RBMS3: variants seen among roughly 807,000 people sequenced by gnomAD.
RBMS3 encodes RNA binding motif single stranded interacting protein 3.
Under a neutral mutation model 66.8 loss-of-function variants are expected in RBMS3, and 27 were observed. The observed-to-expected ratio is 0.40, with a 90% CI of 0.30 to 0.56. The LOEUF (loss-of-function observed/expected upper bound fraction) is 0.56. Ranked by LOEUF, RBMS3 falls within the 20% of genes least tolerant of loss-of-function variation. The pLI, the probability that RBMS3 is intolerant of heterozygous loss-of-function variation, is 0.40. For missense variants in RBMS3, 513 were observed against 549.5 expected (o/e 0.93, Z 0.66); for synonymous variants, 188 against 183.0 (o/e 1.03, Z -0.22).
chr3:29,625,867 G>A (rs1421183986), intron 4 of RBMS3, among the ~76,000 whole-genome samples: 1 of 152,084 alleles, frequency 6.6e-6, no homozygotes, highest in Non-Finnish European at 1.5e-5. Context: ...AACAGCAAAT[G>A]TGCTGCCCAG....
chr3:29,336,658 A>T (rs2035971851), intron 1 of RBMS3, among the ~76,000 whole-genome samples: 1 of 152,154 alleles, frequency 6.6e-6, no homozygotes, highest in South Asian at 2.1e-4. Context: ...ACATATGTGA[A>T]TATTCTTATA....
chr3:29,495,878 T>C (rs2043729307), intron 3 of RBMS3, among the ~76,000 whole-genome samples: 1 of 152,144 alleles, frequency 6.6e-6, no homozygotes, highest in Non-Finnish European at 1.5e-5. Flanking sequence ...GGTGAAATGT[T>C]TAAGTGGAAC....
chr3:29,575,281 A>T (rs1306516692), intron 3 of RBMS3, among the ~76,000 whole-genome samples: 1 of 151,214 alleles, frequency 6.6e-6, no homozygotes, highest in Non-Finnish European at 1.5e-5. Context: ...TCAAGGGTAA[A>T]AGTTTTTTTT....
chr3:29,504,861 A>G (rs964312772), intron 3 of RBMS3, among the ~76,000 whole-genome samples: 18 of 152,246 alleles, frequency 1.2e-4, no homozygotes, highest in Non-Finnish European at 2.2e-4. Context: ...GCATGTTTTC[A>G]TATACCTGTC....
chr3:29,973,653 CT>C (rs1316330429), intron 12 of RBMS3, among the ~76,000 whole-genome samples: 1 of 151,924 alleles, frequency 6.6e-6, no homozygotes, highest in Admixed American at 6.6e-5. Context: ...CAAAACAACA[CT>C]TTGGCCTCTC....
intron 4 of RBMS3, among the ~76,000 whole-genome samples, chr3:29,637,125 C>T (rs140485784): frequency 1.3e-5 from 2 of 151,972 alleles, no homozygotes; most frequent in African/African-American, 4.8e-5. Context: ...CAACACTTTC[C>T]ATTTTTTTCT....
chr3:29,331,953 A>T (rs2035690369), intron 1 of RBMS3, among the ~76,000 whole-genome samples: 1 of 151,626 alleles, frequency 6.6e-6, no homozygotes, highest in Admixed American at 6.6e-5. Flanking sequence ...TTGTCTCTCA[A>T]ACTGGACTGT....
intron 6 of RBMS3, among the ~76,000 whole-genome samples, chr3:29,779,202 T>C (rs2056531979): frequency 6.6e-6 from 1 of 151,836 alleles, no homozygotes; most frequent in Admixed American, 6.6e-5. Flanking sequence ...AGGTAGCCTA[T>C]TTATAGAAAC....
chr3:29,707,784 G>A (rs1386169578), intron 4 of RBMS3, among the ~76,000 whole-genome samples: 4 of 152,214 alleles, frequency 2.6e-5, no homozygotes, highest in Non-Finnish European at 5.9e-5. Flanking sequence ...GGGTAGGAAT[G>A]GAAAGACTAT....
At chr3:29,910,798 G>A (rs577711366) in intron 10 of RBMS3, among the ~76,000 whole-genome samples, 1 of 149,998 alleles carries the variant, frequency 6.7e-6, no homozygotes, top group South Asian at 2.1e-4. Flanking sequence ...TCATGTGTGT[G>A]TTTGTGTATG....
chr3:29,492,503 A>T (rs776957418), intron 3 of RBMS3, among the ~76,000 whole-genome samples: 1 of 152,234 alleles, frequency 6.6e-6, no homozygotes, highest in Non-Finnish European at 1.5e-5. Context: ...CAGGAGTTGT[A>T]TTAGAAAAAG....
At chr3:29,721,727 AC>A (rs1404260365) in intron 4 of RBMS3, among the ~76,000 whole-genome samples, 1 of 152,230 alleles carries the variant, frequency 6.6e-6, no homozygotes, top group Non-Finnish European at 1.5e-5. Flanking sequence ...TATATAGGCA[AC>A]ATTATGAGAA....
chr3:29,882,629 T>A (rs181322708), intron 7 of RBMS3, among the ~76,000 whole-genome samples: 1 of 152,206 alleles, frequency 6.6e-6, no homozygotes. Context: ...TTAGTATTTA[T>A]GGAAATACTG....
At chr3:29,878,626 C>T (rs1042729218) in intron 7 of RBMS3, among the ~76,000 whole-genome samples, 5 of 152,112 alleles carry the variant, frequency 3.3e-5, no homozygotes, top group Non-Finnish European at 7.3e-5. Flanking sequence ...GGCCTCTGAC[C>T]TACATTACTT....
At chr3:29,641,782 G>T (rs1454359606) in intron 4 of RBMS3, among the ~76,000 whole-genome samples, 1 of 152,044 alleles carries the variant, frequency 6.6e-6, no homozygotes, top group Admixed American at 6.6e-5. Context: ...CAGGCACACT[G>T]CACAGGGTGA....
At chr3:29,975,164 T>C (rs2149769456) in intron 12 of RBMS3, among the ~76,000 whole-genome samples, 1 of 148,182 alleles carries the variant, frequency 6.7e-6, no homozygotes, top group South Asian at 2.1e-4. Flanking sequence ...TTATATTTTA[T>C]ATACTTTACT....
At chr3:29,723,409 G>T (rs2053728059) in intron 4 of RBMS3, among the ~76,000 whole-genome samples, 1 of 152,036 alleles carries the variant, frequency 6.6e-6, no homozygotes, top group Non-Finnish European at 1.5e-5. Context: ...TTAAGTACAG[G>T]TTTATCTTTT....
chr3:29,612,746 G>A (rs930817614), intron 4 of RBMS3, among the ~76,000 whole-genome samples: 12 of 152,066 alleles, frequency 7.9e-5, no homozygotes, highest in Non-Finnish European at 5.9e-5. Flanking sequence ...GGCTTAATTA[G>A]TAACACATGA....
At chr3:29,380,148 C>G (rs565554974) in intron 1 of RBMS3, among the ~76,000 whole-genome samples, 1 of 151,328 alleles carries the variant, frequency 6.6e-6, no homozygotes, top group South Asian at 2.1e-4. Context: ...TATTCAAGGT[C>G]TTTCAGCCAG....
Sources: allele counts gnomAD v4.1 joint callset (sites outside exome capture counted in the v4.1 genomes callset), GRCh38; gene constraint gnomAD v4.1.1; transcripts MANE v1.5; gene names NCBI Gene and HGNC (gene_info 2026-07-23, HGNC 2026-07-21).